Variants in SEMA6D observed in about 807,000 individuals in gnomAD.
The protein encoded by SEMA6D is semaphorin-6D.
Under a neutral mutation model 106.6 loss-of-function variants are expected in SEMA6D, and 35 were observed. That is an observed-to-expected ratio of 0.33 (90% CI 0.25 to 0.44). The LOEUF (loss-of-function observed/expected upper bound fraction) is 0.44. Among genes scored for constraint, SEMA6D ranks in the 20% least tolerant of loss-of-function variants. The pLI is 1.00. For synonymous variants in SEMA6D, 499 were observed against 487.7 expected (o/e 1.02, Z -0.31); for missense variants, 1,185 against 1,345.9 (o/e 0.88, Z 1.87).
chr15:47,751,833 T>C (rs573960320), intron 1 of SEMA6D, among the ~76,000 whole-genome samples: 9 of 152,234 alleles, frequency 5.9e-5, no homozygotes, highest in African/African-American at 2.2e-4. Context: ...CTGTGAGATA[T>C]ACTTGACCTA....
intron 3 of SEMA6D, among the ~76,000 whole-genome samples, chr15:47,489,738 G>A (rs1010596334): frequency 1.8e-4 from 27 of 151,592 alleles, no homozygotes; most frequent in African/African-American, 5.8e-4. Flanking sequence ...TGCAACCTCC[G>A]CCTCCCAGGT....
chr15:47,546,027 C>T (rs1041837578), intron 3 of SEMA6D, among the ~76,000 whole-genome samples: 1 of 152,128 alleles, frequency 6.6e-6, no homozygotes, highest in African/African-American at 2.4e-5. Flanking sequence ...TAGCTACTCA[C>T]AGGGACACAC....
chr15:47,465,518 A>T (rs554015457), intron 2 of SEMA6D, among the ~76,000 whole-genome samples: 5 of 152,314 alleles, frequency 3.3e-5, no homozygotes, highest in African/African-American at 1.2e-4. Flanking sequence ...GTCCCCACCC[A>T]AATCTCAAGT....
intron 3 of SEMA6D, among the ~76,000 whole-genome samples, chr15:47,527,480 T>C (rs2044801400): frequency 6.6e-6 from 1 of 152,140 alleles, no homozygotes; most frequent in South Asian, 2.1e-4. Context: ...AAAGATTTTC[T>C]GTGAAATTAA....
At chr15:47,446,058 A>G (rs908903565) in intron 2 of SEMA6D, among the ~76,000 whole-genome samples, 6 of 152,276 alleles carry the variant, frequency 3.9e-5, no homozygotes, top group South Asian at 2.1e-4. Context: ...ATAGTTACGC[A>G]TGACAGTTTT....
intron 1 of SEMA6D, among the ~76,000 whole-genome samples, chr15:47,401,620 A>C (rs2040403639): frequency 6.6e-6 from 1 of 152,136 alleles, no homozygotes; most frequent in Admixed American, 6.6e-5. Flanking sequence ...AAAAGTTTAC[A>C]CTGTTTCCCA....
intron 1 of SEMA6D, among the ~76,000 whole-genome samples, chr15:47,723,473 T>TC (rs2079543927): frequency 1.3e-5 from 2 of 152,262 alleles, no homozygotes; most frequent in Non-Finnish European, 1.5e-5. Context: ...TTGTCCCATT[T>TC]CCCGGGGGGA....
chr15:47,259,155 G>T (rs140366211), intron 1 of SEMA6D, among the ~76,000 whole-genome samples: 6 of 152,220 alleles, frequency 3.9e-5, no homozygotes, highest in East Asian at 1.9e-4. Context: ...CGTGTCAGAT[G>T]AAGTTATAAC....
intron 1 of SEMA6D, among the ~76,000 whole-genome samples, chr15:47,381,839 T>C (rs572736720): frequency 1.3e-5 from 2 of 152,166 alleles, no homozygotes; most frequent in Non-Finnish European, 2.9e-5. Context: ...TAAGGAGTCA[T>C]TGGGAACATA....
chr15:47,485,728 C>T (rs8024104), intron 3 of SEMA6D, among the ~76,000 whole-genome samples: 19,586 of 152,132 alleles, frequency 0.13, 3,787 homozygotes, highest in African/African-American at 0.42. Flanking sequence ...GGCATAGCAC[C>T]GAGCCACAGT....
intron 3 of SEMA6D, among the ~76,000 whole-genome samples, chr15:47,586,679 A>G (rs2076345993): frequency 6.6e-6 from 1 of 151,954 alleles, no homozygotes; most frequent in African/African-American, 2.4e-5. Context: ...AGCGCCCCCC[A>G]TACCCCAACA....
rs1354640603 is a variant in SEMA6D at position 47,613,709 on chromosome 15, G to A, written c.-55+12813G>A. The stretch of plus-strand genomic sequence containing the variant: ...CACCCAGGCTGGAGTGCTGGAGTGT[G>A]GTGGCGCGATCTCAGCTCACTGCAA... On this transcript the variant is annotated intron_variant, in intron 4 of 19. Coordinates refer to the SEMA6D transcript ENST00000558014. 4.6e-5 allele frequency among the ~76,000 whole-genome samples: 7 copies of A among 151,860 alleles called. No individual in the cohort carries two copies. The East Asian group carries it at 9.7e-4, about 21-fold the overall frequency.
chr15:47,766,290 G>A (rs1370847260), intron 15 of SEMA6D, 108 bp downstream of exon 15: 2 of 893,752 alleles, frequency 2.2e-6, no homozygotes, highest in Admixed American at 2.9e-5. Flanking sequence ...TTTTTTTGTT[G>A]TTATGGGAGA....
intron 3 of SEMA6D, among the ~76,000 whole-genome samples, chr15:47,471,931 T>TCTCTCACA (rs1555445502): frequency 2.7e-3 from 325 of 121,494 alleles, no homozygotes; most frequent in Middle Eastern, 8.6e-3. Flanking sequence ...TCTCTCTCTC[T>TCTCTCACA]CACACACACA....
At chr15:47,367,389 G>C (rs1232976217) in intron 1 of SEMA6D, among the ~76,000 whole-genome samples, 1 of 152,088 alleles carries the variant, frequency 6.6e-6, no homozygotes, top group Non-Finnish European at 1.5e-5. Flanking sequence ...AGACCTACTT[G>C]GTACTGGCAA....
At chr15:47,624,961 A>G (rs1465580870) in intron 4 of SEMA6D, among the ~76,000 whole-genome samples, 2 of 152,250 alleles carry the variant, frequency 1.3e-5, no homozygotes, top group Admixed American at 6.5e-5. Flanking sequence ...ATGCGGCTAC[A>G]TCACACTTTT....
At chr15:47,691,709 G>A (rs969544298) in intron 4 of SEMA6D, among the ~76,000 whole-genome samples, 7 of 152,002 alleles carry the variant, frequency 4.6e-5, no homozygotes, top group African/African-American at 1.4e-4. Context: ...TGTAACACAG[G>A]TCATATTCAT....
intron 4 of SEMA6D, among the ~76,000 whole-genome samples, chr15:47,670,462 A>T (rs1176613502): frequency 6.6e-6 from 1 of 152,202 alleles, no homozygotes; most frequent in Non-Finnish European, 1.5e-5. Flanking sequence ...AACCAAGGTC[A>T]GGAGTCTTGG....
rs1328637288 is a variant in SEMA6D at position 47,765,226 on chromosome 15, T to C, written c.1427+170T>C. 3.6e-6 allele frequency: 5 copies of C among 1,404,238 alleles called. No individual in the cohort carries two copies. In the East Asian group the frequency reaches 1.3e-4, roughly 37 times the overall value. The allele number at this position is 1,404,238 out of a possible 1,614,324, so 87.0% of individuals were successfully genotyped here. On this transcript the variant is annotated intron_variant, in intron 13 of 18. Coordinates refer to ENST00000536845, the MANE Select transcript of SEMA6D (RefSeq NM_001358351.3). ...CTTGGGTTTGTTTTTTTCCCGAGCC[T>C]GCTAGGGCGAGGGGGGTGAATGGTT...
Sources: allele counts gnomAD v4.1 joint callset (sites outside exome capture counted in the v4.1 genomes callset), GRCh38; gene constraint gnomAD v4.1.1; transcripts MANE v1.5; gene names NCBI Gene and HGNC (gene_info 2026-07-23, HGNC 2026-07-21).